Variants in ALDH16A1 observed in about 807,000 individuals in gnomAD.
ALDH16A1 encodes the protein aldehyde dehydrogenase 16 family member A1.
ALDH16A1 carries 88 observed loss-of-function variants against 96.1 expected under a neutral mutation model. The observed-to-expected ratio is 0.92, with a 90% confidence interval of 0.77 to 1.09. The LOEUF is 1.09. Ranked by LOEUF, ALDH16A1 falls within the 50% of genes least tolerant of loss-of-function variation. ALDH16A1 has a pLI of 0.00. For missense variants in ALDH16A1, 1,250 were observed against 1,112.6 expected (o/e 1.12, Z -1.76); for synonymous variants, 522 against 496.4 (o/e 1.05, Z -0.69).
Position 49,465,784 on chromosome 19 carries a change from C to T in ALDH16A1, c.1615C>T (p.Pro539Ser). The T allele has an allele frequency of 6.2e-7, 1 of 1,614,142 alleles. No individual in the cohort carries two copies. The highest frequency in any genetic ancestry group is 8.5e-7 in the Non-Finnish European group (1 of 1,180,000). Residue 539 changes from proline (P) to serine (S), a missense_variant, in exon 13 of 17, where the codon CCT becomes TCT. Coordinates refer to ENST00000293350, the MANE Select transcript of ALDH16A1 (RefSeq NM_153329.4). ...GLFVGGRFQA[P>S]GARSSRPIRD... Reference sequence around the variant, plus strand: ...CTTCGTTGGGGGCCGTTTCCAGGCTCCTGGGGCCCGAAGCTCCAGGCCCAT... The same window carrying T: ...CTTCGTTGGGGGCCGTTTCCAGGCTTCTGGGGCCCGAAGCTCCAGGCCCAT...
rs370344103 is a variant in ALDH16A1 at position 49,461,733 on chromosome 19, C to A, written c.692C>A (p.Ala231Glu). ...ATCCTGAATGTCCTCAGTGGCCCTG[C>A]GTCCCTGGTGCCCATCCTGGCCTCC... ...PGILNVLSGP[A>E]SLVPILASQP... The change falls in exon 6 of 17, where the codon GCG becomes GAG. Residue 231 changes from alanine (A) to glutamate (E), a missense_variant. By Grantham distance (107) the Ala-to-Glu change is moderately radical. Coordinates refer to ENST00000293350, the MANE Select transcript of ALDH16A1 (RefSeq NM_153329.4). 13 of 1,609,944 alleles carry A rather than the reference C, an allele frequency of 8.1e-6. No individual in the cohort carries two copies. The highest frequency in any genetic ancestry group is 1.1e-5 in the Non-Finnish European group (13 of 1,178,220).
At position 49,464,646 on chromosome 19, in the gene ALDH16A1, T is replaced by C. The variant is rs2079183064; in HGVS notation, c.1452T>C (p.Tyr484=). The stretch of plus-strand genomic sequence containing the variant: ...CCCTCTCACAGGGGCTGTATGAGTA[T>C]CTGCGGCCCTCAGGGACCCCTGCCC... The part of the protein sequence containing the change: ...WHGGPDGLYE[Y]LRPSGTPARL... The change falls in exon 12 of 17, where the codon TAT becomes TAC. Residue 484 remains tyrosine, a synonymous_variant. Coordinates refer to ENST00000293350, the MANE Select transcript of ALDH16A1 (RefSeq NM_153329.4). 1 of 1,613,982 alleles carries C rather than the reference T, an allele frequency of 6.2e-7. No homozygotes were observed. Among genetic ancestry groups the C allele is most frequent in the Admixed American group, 1.7e-5 (1 of 60,006 alleles).
At position 49,468,920 on chromosome 19, in the gene ALDH16A1, C is replaced by T. The variant is rs750858901; in HGVS notation, c.2181C>T (p.Asp727=). 1.2e-6 allele frequency: 2 copies of T among 1,614,098 alleles called. No homozygotes were observed. Among genetic ancestry groups the T allele is most frequent in the Admixed American group, 3.3e-5 (2 of 60,018 alleles). Reference sequence around the variant, plus strand: ...CCAACGTGGTGACAGGAGACCGGGACCATCTGACCCGCTGCCTGGCCTTGC... The same window carrying T: ...CCAACGTGGTGACAGGAGACCGGGATCATCTGACCCGCTGCCTGGCCTTGC... The part of the protein sequence containing the change: ...GLANVVTGDR[D]HLTRCLALHQ... The change falls in exon 16 of 17, where the codon GAC becomes GAT. Residue 727 remains aspartate (D), a synonymous_variant. Coordinates refer to ENST00000293350, the MANE Select transcript of ALDH16A1 (RefSeq NM_153329.4). This position sits in a 1 kb window ranked among gnomAD's most constrained non-coding sequence, Gnocchi z 4.4.
rs1313278564 is a variant in ALDH16A1 at position 49,458,553 on chromosome 19, A to C, written c.158A>C (p.His53Pro). ...AATGGGAAGTGGTTAAAGCCTGAAC[A>C]CAGAAATTCAGTGCCTTGCCAGGAT... ...YVNGKWLKPE[H>P]RNSVPCQDPI... The change falls in exon 2 of 17, where the codon CAC becomes CCC. Residue 53 changes from histidine (H) to proline (P), a missense_variant. Transcript: ENST00000293350. 1 of 1,565,058 alleles carries C rather than the reference A, an allele frequency of 6.4e-7. No homozygotes were observed. Among genetic ancestry groups the C allele is most frequent in the South Asian group, 1.2e-5 (1 of 85,392 alleles).
At chr19:49,460,766 G>A in intron 4 of ALDH16A1, 56 bp from the exon 5 acceptor site, 2 of 1,487,884 alleles carry the variant, frequency 1.3e-6, no homozygotes, top group South Asian at 1.1e-5. Context: ...TGTGGCCCAG[G>A]CTGGACTTAA....
intron 4 of ALDH16A1, 72 bp from the exon 5 acceptor site, chr19:49,460,750 T>C: frequency 7.9e-7 from 1 of 1,273,156 alleles, no homozygotes; most frequent in African/African-American, 1.5e-5. Context: ...CCATGGGGTC[T>C]TGCCATGTGG....
At chr19:49,460,948 G>A (rs2079136539) in intron 5 of ALDH16A1, 49 bp downstream of exon 5, 2 of 1,574,620 alleles carry the variant, frequency 1.3e-6, no homozygotes, top group Non-Finnish European at 8.7e-7. Context: ...AGAAAGGAGG[G>A]GATCGTGGGG....
chr19:49,466,307 G>T (rs1249117254), intron 14 of ALDH16A1, 24 bp downstream of exon 14: 5 of 1,428,432 alleles, frequency 3.5e-6, no homozygotes, highest in Non-Finnish European at 4.6e-6. Flanking sequence ...GGGCACCTGG[G>T]CCAGCTGGGC....
At position 49,468,306 on chromosome 19, in the gene ALDH16A1, T is replaced by C. The variant is rs1039982779; in HGVS notation, c.1939-75T>C. 15 of 1,471,746 alleles carry C rather than the reference T, an allele frequency of 1.0e-5. No homozygotes were observed. Among genetic ancestry groups the C allele is most frequent in the Non-Finnish European group, 1.4e-5 (15 of 1,087,336 alleles). The allele number at this position is 1,471,746 out of a possible 1,614,324, so 91.2% of individuals were successfully genotyped here. A position where few individuals can be genotyped will look rare whatever the true frequency, so the allele number is the denominator to read the frequency against. Reference sequence around the variant, plus strand: ...GGCCAACACCAAGTGTTGGGGAGAATGTAGAGGAACTGGATCTCTCATTTA... The same window carrying C: ...GGCCAACACCAAGTGTTGGGGAGAACGTAGAGGAACTGGATCTCTCATTTA... On this transcript the variant is annotated intron_variant, in intron 14 of 16. Transcript: ENST00000293350. This position sits in a 1 kb window ranked among gnomAD's most constrained non-coding sequence, Gnocchi z 4.4.
At position 49,459,879 on chromosome 19, in the gene ALDH16A1, C is replaced by T. The variant is rs1462058900; in HGVS notation, c.499+31C>T. 4 of 1,595,230 alleles carry T rather than the reference C, an allele frequency of 2.5e-6. No individual in the cohort carries two copies. The Admixed American group carries it at 7.2e-5, about 29-fold the overall frequency. ...ACCCTGGAGTCCCTAGCCCTATCCT[C>T]CCACATGACTCAGCAGTGCTAGCTC... On this transcript the variant is annotated intron_variant, in intron 4 of 16. Coordinates refer to ENST00000293350, the MANE Select transcript of ALDH16A1 (RefSeq NM_153329.4). The surrounding 1 kb of genome is among the most constrained non-coding windows in gnomAD (Gnocchi z 4.1).
rs752325190 is a variant in ALDH16A1 at position 49,464,669 on chromosome 19, C to G, written c.1475C>G (p.Ala492Gly). The G allele has an allele frequency of 5.5e-5, 89 of 1,614,058 alleles. No individual in the cohort carries two copies. The highest frequency in any genetic ancestry group is 7.5e-5 in the Non-Finnish European group (88 of 1,180,040). ...YEYLRPSGTP[A>G]RLSCLSKNLN... Reference sequence around the variant, plus strand: ...TATCTGCGGCCCTCAGGGACCCCTGCCCGGCTGTCCTGCCTCTCCAAGAAC... The same window carrying G: ...TATCTGCGGCCCTCAGGGACCCCTGGCCGGCTGTCCTGCCTCTCCAAGAAC... The change falls in exon 12 of 17, where the codon GCC becomes GGC. Residue 492 changes from alanine (A) to glycine (G), a missense_variant. Ala to Gly is a moderately conservative substitution (Grantham distance 60, BLOSUM62 0). Transcript: ENST00000293350.
At chr19:49,454,020 G>GTTTTTTTTTTTTTTT in intron 1 of ALDH16A1, among the ~76,000 whole-genome samples, 1 of 68,248 alleles carries the variant, frequency 1.5e-5, no homozygotes, top group Non-Finnish European at 3.7e-5. Context: ...TTTGGGTTGG[G>GTTTTTTTTTTTTTTT]TTTTTTTTTT....
Position 49,461,990 on chromosome 19 carries a change from C to T in ALDH16A1, c.866C>T (p.Ser289Leu), listed in dbSNP as rs1398318045. The change falls in exon 7 of 17, where the codon TCG becomes TTG. Residue 289 changes from serine to leucine, a missense_variant. Ser to Leu is a moderately radical substitution (Grantham distance 145). Transcript: ENST00000293350. Reference sequence around the variant, plus strand: ...CTGACGGACACGGCGGACGTAGACTCGGCCGTGGAGGGTGTCGTGGACGCC... The same window carrying T: ...CTGACGGACACGGCGGACGTAGACTTGGCCGTGGAGGGTGTCGTGGACGCC... Reference protein sequence around the residue: ...LLLTDTADVDSAVEGVVDAAW... With the variant: ...LLLTDTADVDLAVEGVVDAAW... The T allele has an allele frequency of 3.9e-6, 6 of 1,549,412 alleles. No individual in the cohort carries two copies. Among genetic ancestry groups the T allele is most frequent in the Non-Finnish European group, 5.2e-6 (6 of 1,150,868 alleles).
In ALDH16A1 at chr19:49,466,284, G is replaced by A. The variant is rs2079198355; in HGVS notation, c.1938+1G>A. On this transcript the variant is annotated splice_donor_variant, in intron 14 of 16. Transcript: ENST00000293350. LOFTEE classifies it high-confidence loss of function. ...GCAGGCCCAAGGCCACACCCTGCAGGTGAAGGGTCTGTGGGCACCTGGGCC... is the reference window on the plus strand; with the variant it reads ...GCAGGCCCAAGGCCACACCCTGCAGATGAAGGGTCTGTGGGCACCTGGGCC... 1 of 1,445,712 alleles carries A rather than the reference G, an allele frequency of 6.9e-7. No homozygotes were observed. The highest frequency in any genetic ancestry group is 9.1e-7 in the Non-Finnish European group (1 of 1,099,602). 89.6% of individuals were successfully genotyped at this position (1,445,712 alleles called of 1,614,324 possible). A position where few individuals can be genotyped will look rare whatever the true frequency, so the allele number is the denominator to read the frequency against.
Position 49,459,875 on chromosome 19 carries a change from T to C in ALDH16A1, c.499+27T>C, listed in dbSNP as rs1317520238. On this transcript the variant is annotated intron_variant, in intron 4 of 16. Coordinates refer to ENST00000293350, the MANE Select transcript of ALDH16A1 (RefSeq NM_153329.4). The surrounding 1 kb of genome is among the most constrained non-coding windows in gnomAD (Gnocchi z 4.1). ...TGAGACCCTGGAGTCCCTAGCCCTA[T>C]CCTCCCACATGACTCAGCAGTGCTA... is the stretch of plus-strand genomic sequence containing the variant. 6.3e-7 allele frequency: 1 copy of C among 1,598,994 alleles called. No individual in the cohort carries two copies. Among genetic ancestry groups the C allele is most frequent in the Non-Finnish European group, 8.5e-7 (1 of 1,174,534 alleles).
At position 49,470,601 on chromosome 19, in the gene ALDH16A1, G is replaced by A. The variant is rs1167791124; in HGVS notation, c.*134G>A. On this transcript the variant is annotated 3_prime_UTR_variant, in exon 17 of 17. Coordinates refer to ENST00000293350, the MANE Select transcript of ALDH16A1 (RefSeq NM_153329.4). ...TCTGACCAACCCTAGCTGTGCTTCTGCGAGAAGAAAGGGTGTAGCAACTTC... is the reference window on the plus strand; with the variant it reads ...TCTGACCAACCCTAGCTGTGCTTCTACGAGAAGAAAGGGTGTAGCAACTTC... 1.9e-6 allele frequency: 2 copies of A among 1,026,088 alleles called. No homozygotes were observed. Among genetic ancestry groups the A allele is most frequent in the Non-Finnish European group, 2.6e-6 (2 of 774,966 alleles). The allele number at this position is 1,026,088 out of a possible 1,614,324, so 63.6% of individuals were successfully genotyped here.
At chr19:49,460,979 A>C in intron 5 of ALDH16A1, 80 bp downstream of exon 5, 1 of 1,464,790 alleles carries the variant, frequency 6.8e-7, no homozygotes, top group Non-Finnish European at 9.5e-7. Context: ...AGAGTCTGAG[A>C]GACAAGGGGG....
rs772248287 is a variant in ALDH16A1, at chr19:49,468,359, C to G, written c.1939-22C>G. The G allele has an allele frequency of 1.5e-5, 24 of 1,594,846 alleles. No individual in the cohort carries two copies. In the African/African-American group the frequency reaches 3.2e-4, roughly 21 times the overall value. On this transcript the variant is annotated intron_variant, in intron 14 of 16. Coordinates refer to ENST00000293350, the MANE Select transcript of ALDH16A1 (RefSeq NM_153329.4). This position sits in a 1 kb window ranked among gnomAD's most constrained non-coding sequence, Gnocchi z 4.4. ...GCGGGCGGGGCTCCCCTGCCCCACA[C>G]GTGACCCACCTGTCCCTGCAGGTAG...
chr19:49,454,117 G>A (rs1438178183), intron 1 of ALDH16A1, among the ~76,000 whole-genome samples: 1 of 148,490 alleles, frequency 6.7e-6, no homozygotes, highest in Non-Finnish European at 1.5e-5. Flanking sequence ...CAACCTCCTG[G>A]GCTCAAGCCA....
Sources: allele counts gnomAD v4.1 joint callset (sites outside exome capture counted in the v4.1 genomes callset), GRCh38; gene constraint gnomAD v4.1.1; non-coding constraint Gnocchi (gnomAD v3.1); transcripts MANE v1.5; gene names NCBI Gene and HGNC (gene_info 2026-07-23, HGNC 2026-07-21).